The following PKIB variants were observed in gnomAD, a reference collection of about 807,000 sequenced individuals.
PKIB encodes the protein PKI-beta.
In PKIB, 2 loss-of-function variants were observed where a neutral mutation model predicts 4.5. The observed-to-expected ratio is 0.44, with a 90% CI of 0.18 to 1.39. The LOEUF is 1.39. Ranked by LOEUF, PKIB falls within the 40% of genes most tolerant of loss-of-function variation. PKIB has a pLI of 0.27. For synonymous variants in PKIB, 38 were observed against 36.0 expected (o/e 1.06, Z -0.20); for missense variants, 94 against 92.6 (o/e 1.02, Z -0.06).
At chr6:122,579,729 T>G (rs1773651177) in intron 2 of PKIB, among the ~76,000 whole-genome samples, 1 of 152,222 alleles carries the variant, frequency 6.6e-6, no homozygotes. Context: ...AAGATCAGGT[T>G]GTAAATAAAG....
At chr6:122,549,579 T>A (rs1396258967) in intron 2 of PKIB, among the ~76,000 whole-genome samples, 1 of 152,100 alleles carries the variant, frequency 6.6e-6, no homozygotes, top group Non-Finnish European at 1.5e-5. Flanking sequence ...CATACATCAG[T>A]TCAGTGAGTG....
intron 2 of PKIB, among the ~76,000 whole-genome samples, chr6:122,543,095 G>C (rs1408598582): frequency 6.6e-6 from 1 of 152,062 alleles, no homozygotes; most frequent in Non-Finnish European, 1.5e-5. Flanking sequence ...GGAGTGACCT[G>C]ATTTTCCAGG....
rs549561766 is a variant in PKIB at position 122,475,109 on chromosome 6, C to T, written c.-336-2742C>T. On this transcript the variant is annotated intron_variant, in intron 1 of 6. Coordinates refer to the PKIB transcript ENST00000392491. ...AGTTCAGTGGCCTGATCTCGGCTCA[C>T]TGCAACCTCCACCTCCCAAATTCCA... is the stretch of plus-strand genomic sequence containing the variant. Among the ~76,000 whole-genome samples, 21 of 152,250 alleles carry T rather than the reference C, an allele frequency of 1.4e-4. No homozygotes were observed. In the East Asian group the frequency reaches 1.7e-3, roughly 13 times the overall value.
chr6:122,521,194 G>A (rs552678120), intron 2 of PKIB, among the ~76,000 whole-genome samples: 2 of 152,274 alleles, frequency 1.3e-5, no homozygotes, highest in Admixed American at 6.5e-5. Context: ...TTAGTGGATC[G>A]GACTGGCCGC....
intron 2 of PKIB, among the ~76,000 whole-genome samples, chr6:122,565,549 C>T (rs1042333282): frequency 1.3e-5 from 2 of 152,096 alleles, no homozygotes; most frequent in Non-Finnish European, 2.9e-5. Context: ...CTACCAAGTT[C>T]CTTAAAGTTA....
chr6:122,671,528 C>T (rs1255806938), intron 2 of PKIB, among the ~76,000 whole-genome samples: 1 of 152,104 alleles, frequency 6.6e-6, no homozygotes, highest in East Asian at 1.9e-4. Context: ...ATTTCCTTCT[C>T]CTTCTACAGT....
At chr6:122,558,716 CTA>C (rs747977113) in intron 2 of PKIB, among the ~76,000 whole-genome samples, 10 of 152,046 alleles carry the variant, frequency 6.6e-5, no homozygotes, top group Non-Finnish European at 1.3e-4. Context: ...CACCTCCTCT[CTA>C]TTTTTTTAAA....
intron 1 of PKIB, among the ~76,000 whole-genome samples, chr6:122,619,970 G>A (rs1261778565): frequency 6.6e-6 from 1 of 151,934 alleles, no homozygotes; most frequent in Non-Finnish European, 1.5e-5. Context: ...ACTCTCCCCT[G>A]GGTATCTTAC....
chr6:122,579,946 T>C (rs747985806), intron 2 of PKIB, among the ~76,000 whole-genome samples: 6 of 152,174 alleles, frequency 3.9e-5, no homozygotes, highest in Non-Finnish European at 7.3e-5. Flanking sequence ...TAGATACATA[T>C]TGTAGTTAGC....
intron 2 of PKIB, among the ~76,000 whole-genome samples, chr6:122,516,954 C>T (rs1441682919): frequency 6.6e-6 from 1 of 152,138 alleles, no homozygotes; most frequent in East Asian, 1.9e-4. Flanking sequence ...GTGCTGATAA[C>T]CTCCTCCCAC....
chr6:122,585,293 T>C (rs1196133594), intron 2 of PKIB, among the ~76,000 whole-genome samples: 1 of 152,090 alleles, frequency 6.6e-6, no homozygotes, highest in Non-Finnish European at 1.5e-5. Context: ...ACCTTTATGA[T>C]CAATGCAAGA....
intron 2 of PKIB, among the ~76,000 whole-genome samples, chr6:122,639,461 C>G (rs967730487): frequency 6.6e-6 from 1 of 152,128 alleles, no homozygotes; most frequent in Non-Finnish European, 1.5e-5. Context: ...AGTGCTTATT[C>G]CATTTACCCT....
At chr6:122,703,536 A>G (rs1406115807) in intron 3 of PKIB, among the ~76,000 whole-genome samples, 1 of 152,114 alleles carries the variant, frequency 6.6e-6, no homozygotes, top group Admixed American at 6.5e-5. Flanking sequence ...ATACTGTAAT[A>G]CAATGAACTA....
At chr6:122,489,738 T>A (rs912922660) in intron 2 of PKIB, among the ~76,000 whole-genome samples, 1 of 152,254 alleles carries the variant, frequency 6.6e-6, no homozygotes, top group East Asian at 1.9e-4. Context: ...CTTATAAATA[T>A]GATTTTTCTG....
chr6:122,560,676 T>A (rs1335828650), intron 2 of PKIB, among the ~76,000 whole-genome samples: 2 of 152,160 alleles, frequency 1.3e-5, no homozygotes, highest in East Asian at 3.9e-4. Context: ...CCTGCACTTT[T>A]TTTTGTTGGT....
chr6:122,574,242 A>G (rs989582632), intron 2 of PKIB, among the ~76,000 whole-genome samples: 2 of 152,072 alleles, frequency 1.3e-5, no homozygotes, highest in African/African-American at 4.8e-5. Context: ...GATCACCTAC[A>G]CTGCTGAAGG....
intron 3 of PKIB, among the ~76,000 whole-genome samples, chr6:122,711,575 T>C (rs1779274557): frequency 6.6e-6 from 1 of 152,182 alleles, no homozygotes; most frequent in Non-Finnish European, 1.5e-5. Context: ...CTTTCTAGTA[T>C]GAAACTAAAA....
At chr6:122,657,399 A>C (rs1299042623) in intron 2 of PKIB, among the ~76,000 whole-genome samples, 1 of 152,198 alleles carries the variant, frequency 6.6e-6, no homozygotes, top group Non-Finnish European at 1.5e-5. Context: ...GTTAGTGATC[A>C]CCTACCCCCA....
intron 2 of PKIB, among the ~76,000 whole-genome samples, chr6:122,505,558 T>C (rs892515680): frequency 2.6e-5 from 4 of 152,224 alleles, no homozygotes; most frequent in Admixed American, 1.3e-4. Context: ...TCCAGTGGTC[T>C]TAATTTATTT....
Sources: gnomAD v4.1 joint callset for allele counts (sites outside exome capture counted in the v4.1 genomes callset) on GRCh38, gnomAD v4.1.1 for gene constraint, MANE v1.5 for transcripts, NCBI Gene and HGNC (gene_info 2026-07-23, HGNC 2026-07-21) for gene names.